Variants in TXNDC16 observed in about 807,000 individuals in gnomAD.
The protein encoded by TXNDC16 is thioredoxin domain-containing protein 16.
In TXNDC16, 74 loss-of-function variants were observed where a neutral mutation model predicts 85.6. The ratio of observed to expected loss-of-function variants is 0.86; its 90% CI spans 0.72 to 1.05. The LOEUF is 1.05. Ranked by LOEUF, TXNDC16 falls within the 50% of genes least tolerant of loss-of-function variation. TXNDC16 has a pLI of 0.00. For missense variants in TXNDC16, 959 were observed against 947.0 expected (o/e 1.01, Z -0.17); for synonymous variants, 335 against 326.5 (o/e 1.03, Z -0.28).
chr14:52,473,937 A>G (rs1211020386), intron 14 of TXNDC16, among the ~76,000 whole-genome samples: 1 of 152,234 alleles, frequency 6.6e-6, no homozygotes, highest in African/African-American at 2.4e-5. Flanking sequence ...ATAGGCTTCA[A>G]CATAGACACA....
At chr14:52,539,657 G>A (rs894573220) in intron 4 of TXNDC16, among the ~76,000 whole-genome samples, 1 of 152,146 alleles carries the variant, frequency 6.6e-6, no homozygotes, top group Non-Finnish European at 1.5e-5. Flanking sequence ...GAGATGGCAG[G>A]AAGAAGTAAA....
intron 8 of TXNDC16, among the ~76,000 whole-genome samples, chr14:52,512,673 A>AG (rs1323756798): frequency 1.3e-5 from 2 of 152,238 alleles, no homozygotes; most frequent in Non-Finnish European, 2.9e-5. Flanking sequence ...AAAAACAGTG[A>AG]AACTTATTTG....
intron 12 of TXNDC16, among the ~76,000 whole-genome samples, chr14:52,483,708 T>C (rs1445528508): frequency 1.3e-5 from 2 of 152,226 alleles, no homozygotes; most frequent in Non-Finnish European, 2.9e-5. Context: ...ATTCTGAATA[T>C]GTGAAACCCT....
intron 18 of TXNDC16, among the ~76,000 whole-genome samples, chr14:52,449,331 A>G (rs2035356010): frequency 6.6e-6 from 1 of 152,140 alleles, no homozygotes; most frequent in Non-Finnish European, 1.5e-5. Flanking sequence ...TTTCAAGACA[A>G]AAACTGTAAG....
chr14:52,505,579 A>C (rs185895844), intron 9 of TXNDC16, among the ~76,000 whole-genome samples: 2 of 152,348 alleles, frequency 1.3e-5, no homozygotes, highest in East Asian at 3.9e-4. Context: ...TGTAGAGGGA[A>C]ATTTATAGCG....
intron 15 of TXNDC16, 72 bp from the exon 16 acceptor site, chr14:52,470,245 T>C (rs748430395): frequency 6.0e-5 from 71 of 1,182,054 alleles, no homozygotes; most frequent in African/African-American, 1.9e-4. Context: ...AAAAGCATAC[T>C]AAACATAGCA....
chr14:52,522,695 G>A (rs1246117691), intron 6 of TXNDC16, among the ~76,000 whole-genome samples: 1 of 152,144 alleles, frequency 6.6e-6, no homozygotes, highest in Admixed American at 6.5e-5. Context: ...AATTTTCACT[G>A]TATGCAGAGC....
rs761488915 is a variant in TXNDC16, at chr14:52,470,538, G to C, written c.1455C>G (p.Thr485=). The C allele has an allele frequency of 2.5e-6, 4 of 1,612,858 alleles. No individual in the cohort carries two copies. In the Admixed American group the frequency reaches 5.0e-5, roughly 20 times the overall value. The change falls in exon 15 of 21, where the codon ACC becomes ACG. Residue 485 remains threonine (T), a synonymous_variant. Transcript: ENST00000281741. ...NPVSYAGMLG[T]EDLLKFIQLN... ...GCTGGATAAATTTTAGGAGATCTTC[G>C]GTTCCTAACATTCCAGCATAAGATA...
chr14:52,471,826 T>C (rs531853716), intron 14 of TXNDC16, among the ~76,000 whole-genome samples: 30 of 151,892 alleles, frequency 2.0e-4, no homozygotes, highest in African/African-American at 6.8e-4. Context: ...ACTTGCTCTA[T>C]AATAAAACGT....
intron 15 of TXNDC16, 57 bp downstream of exon 15, chr14:52,470,455 T>A: frequency 3.3e-6 from 5 of 1,534,606 alleles, no homozygotes; most frequent in Non-Finnish European, 4.4e-6. Context: ...AGTCTGAGAA[T>A]TAGAACTTCT....
At chr14:52,530,345 ATAT>A (rs1288088551) in intron 6 of TXNDC16, among the ~76,000 whole-genome samples, 4 of 44,740 alleles carry the variant, frequency 8.9e-5, no homozygotes, top group African/African-American at 1.0e-4. Context: ...ATATAATTAT[ATAT>A]TATAATATAA....
Position 52,470,119 on chromosome 14 carries a change from A to G in TXNDC16, c.1536T>C (p.Tyr512=). 1 of 1,611,160 alleles carries G rather than the reference A, an allele frequency of 6.2e-7. No individual in the cohort carries two copies. The change falls in exon 16 of 21, where the codon TAT becomes TAC. Residue 512 remains tyrosine (Y), a synonymous_variant. Transcript: ENST00000281741. ...GGTCTTTATATAATTCCCCACTTAA[A>G]TATTCTTCTGCTTCTTGGATCGATG... The part of the protein sequence containing the change: ...NITSIQEAEE[Y]LSGELYKDLI...
At chr14:52,527,629 T>C (rs949831467) in intron 6 of TXNDC16, among the ~76,000 whole-genome samples, 1 of 152,200 alleles carries the variant, frequency 6.6e-6, no homozygotes, top group African/African-American at 2.4e-5. Context: ...CAAACCTTGC[T>C]ATGTACAGGT....
intron 15 of TXNDC16, 66 bp from the exon 16 acceptor site, chr14:52,470,239 G>T: frequency 1.6e-6 from 2 of 1,231,934 alleles, no homozygotes; most frequent in Non-Finnish European, 2.2e-6. Context: ...TAAAAAAAAA[G>T]CATACTAAAC....
chr14:52,516,922 A>G (rs1180353646), intron 7 of TXNDC16, among the ~76,000 whole-genome samples: 1 of 152,094 alleles, frequency 6.6e-6, no homozygotes, highest in African/African-American at 2.4e-5. Context: ...TGGGAATTTT[A>G]TTATTATCCA....
intron 16 of TXNDC16, among the ~76,000 whole-genome samples, chr14:52,468,877 A>AG (rs948763829): frequency 2.0e-4 from 28 of 142,850 alleles, no homozygotes; most frequent in African/African-American, 6.9e-4. Flanking sequence ...ACCCTGTCTC[A>AG]AAAAAAAAAA....
rs771473742 is a variant in TXNDC16 at position 52,455,427 on chromosome 14, A to C, written c.1739T>G (p.Leu580Arg). 7 of 1,613,940 alleles carry C rather than the reference A, an allele frequency of 4.3e-6. No individual in the cohort carries two copies. The highest frequency in any genetic ancestry group is 5.1e-6 in the Non-Finnish European group (6 of 1,179,958). ...TTTGCCTTCTGTGTGTCTGGCAAGC[A>C]GCAGGGCTGGAAGACTTGCAGCATA... Reference protein sequence around the residue: ...TKYAASLPALLLARHTEGKIE... With the variant: ...TKYAASLPALRLARHTEGKIE... The change falls in exon 18 of 21, where the codon CTG (leucine) becomes CGG (arginine). Residue 580 changes from leucine to arginine, a missense_variant. Leu to Arg is a moderately radical substitution (Grantham distance 102, BLOSUM62 -2). Coordinates refer to ENST00000281741, the MANE Select transcript of TXNDC16 (RefSeq NM_020784.3).
In TXNDC16 at chr14:52,493,216, T is replaced by TATATATATATATATAC; in HGVS notation, c.757-2212_757-2211insGTATATATATATATAT. 3.9e-4 allele frequency among the ~76,000 whole-genome samples: 45 copies of TATATATATATATATAC among 115,992 alleles called. 1 individual carries two copies. Among genetic ancestry groups the TATATATATATATATAC allele is most frequent in the African/African-American group, 1.4e-3 (40 of 28,306 alleles). 76.1% of individuals were successfully genotyped at this position (115,992 alleles called of 152,430 possible). ...TTCTATATATATATATATATATATA[T>TATATATATATATATAC]ACACACACACACACACACATATTTA... On this transcript the variant is annotated intron_variant, in intron 9 of 20. Transcript: ENST00000281741.
At position 52,530,278 on chromosome 14, in the gene TXNDC16, A is replaced by ATTATT. The variant is rs1594757593; in HGVS notation, c.392+6440_392+6441insAATAA. On this transcript the variant is annotated intron_variant, in intron 6 of 20. Coordinates refer to ENST00000281741, the MANE Select transcript of TXNDC16 (RefSeq NM_020784.3). ...TATTATATAATATATATTATTATTT[A>ATTATT]ATATATAATTATTATATATAATATT... Among the ~76,000 whole-genome samples the ATTATT allele has an allele frequency of 4.6e-5, 3 of 65,646 alleles. No individual in the cohort carries two copies. The East Asian group carries it at 1.9e-3, about 41-fold the overall frequency. 43.1% of individuals were successfully genotyped at this position (65,646 alleles called of 152,430 possible).
Sources: gnomAD v4.1 joint callset for allele counts (sites outside exome capture counted in the v4.1 genomes callset) on GRCh38, gnomAD v4.1.1 for gene constraint, MANE v1.5 for transcripts, NCBI Gene and HGNC (gene_info 2026-07-23, HGNC 2026-07-21) for gene names.